HOMER1: variants seen among roughly 807,000 people sequenced by gnomAD.
HOMER1 encodes the protein homer protein homolog 1.
HOMER1 carries 3 observed loss-of-function variants against 48.9 expected under a neutral mutation model. The observed-to-expected ratio is 0.06, with a 90% CI of 0.03 to 0.16. The LOEUF (loss-of-function observed/expected upper bound fraction) is 0.16. Among genes scored for constraint, HOMER1 ranks in the 10% least tolerant of loss-of-function variants. The pLI, the probability that HOMER1 is intolerant of heterozygous loss-of-function variation, is 1.00. For missense variants in HOMER1, 247 were observed against 411.4 expected (o/e 0.60, Z 3.46); for synonymous variants, 134 against 146.4 (o/e 0.92, Z 0.61).
chr5:79,485,062 G>C (rs1752059846), intron 1 of HOMER1, among the ~76,000 whole-genome samples: 1 of 147,904 alleles, frequency 6.8e-6, no homozygotes, highest in African/African-American at 2.6e-5. Flanking sequence ...AATCTTGTTA[G>C]AACTGTGTCA....
intron 8 of HOMER1, among the ~76,000 whole-genome samples, chr5:79,389,627 G>A (rs1749197829): frequency 6.6e-6 from 1 of 152,136 alleles, no homozygotes; most frequent in Non-Finnish European, 1.5e-5. Flanking sequence ...ATTCCCTCTG[G>A]AGGATGCAGC....
intron 8 of HOMER1, among the ~76,000 whole-genome samples, chr5:79,383,617 C>A (rs370329170): frequency 2.6e-5 from 4 of 152,204 alleles, no homozygotes; most frequent in South Asian, 4.1e-4. Flanking sequence ...AACTCCTGAC[C>A]TTGTGATCTG....
intron 5 of HOMER1, among the ~76,000 whole-genome samples, chr5:79,427,665 T>TTTCCTTCCCTTCC (rs771176283): frequency 2.0e-4 from 22 of 107,694 alleles, no homozygotes; most frequent in African/African-American, 9.1e-4. Flanking sequence ...CCTTCCTTCC[T>TTTCCTTCCCTTCC]TTCCTTCCCT....
rs1313388116 is a variant in HOMER1, at chr5:79,374,309, T to C, written c.*1700A>G. 1 of 152,414 alleles carries C rather than the reference T, an allele frequency of 6.6e-6. No individual in the cohort carries two copies. Among genetic ancestry groups the C allele is most frequent in the Non-Finnish European group, 1.5e-5 (1 of 67,844 alleles). 9.4% of individuals were successfully genotyped at this position (152,414 alleles called of 1,614,324 possible). ...AACGTACATGATGTTACAGCACATA[T>C]AATACATGATTGTTATAAATTTTTC... On this transcript the variant is annotated 3_prime_UTR_variant, in exon 9 of 9. Coordinates refer to ENST00000334082, the MANE Select transcript of HOMER1 (RefSeq NM_004272.5).
At chr5:79,424,810 C>G (rs905106766) in intron 5 of HOMER1, among the ~76,000 whole-genome samples, 1 of 152,054 alleles carries the variant, frequency 6.6e-6, no homozygotes, top group Non-Finnish European at 1.5e-5. Flanking sequence ...GAAATAACAG[C>G]TATTTTGATT....
intron 3 of HOMER1, among the ~76,000 whole-genome samples, chr5:79,448,378 T>C (rs541625816): frequency 6.6e-6 from 1 of 151,554 alleles, no homozygotes; most frequent in South Asian, 2.1e-4. Flanking sequence ...CCTTCTCAAC[T>C]TCGTAAAAAT....
At chr5:79,480,060 T>G (rs1751904111) in intron 1 of HOMER1, among the ~76,000 whole-genome samples, 1 of 152,206 alleles carries the variant, frequency 6.6e-6, no homozygotes, top group Admixed American at 6.5e-5. Context: ...AAGTCTATTT[T>G]TCTCATTTCA....
chr5:79,447,122 A>G lies in HOMER1; in HGVS notation c.318T>C (p.Phe106=). Residue 106 remains phenylalanine, a synonymous_variant, in exon 4 of 9, where the codon TTT becomes TTC. Transcript: ENST00000334082. The part of the protein sequence containing the change: ...LSKFAEKFQE[F]KEAARLAKEK... ...CCTTTGCTAGTCGAGCAGCTTCTTTAAATTCCTGAAACTTTTCTGCAAACT... is the reference window on the plus strand; with the variant it reads ...CCTTTGCTAGTCGAGCAGCTTCTTTGAATTCCTGAAACTTTTCTGCAAACT... 6.2e-7 allele frequency: 1 copy of G among 1,612,732 alleles called. No homozygotes were observed. The highest frequency in any genetic ancestry group is 8.5e-7 in the Non-Finnish European group (1 of 1,179,178).
At chr5:79,431,110 C>G (rs1197997705) in intron 5 of HOMER1, among the ~76,000 whole-genome samples, 2 of 152,072 alleles carry the variant, frequency 1.3e-5, no homozygotes, top group Non-Finnish European at 2.9e-5. Context: ...GTGGGCGGAT[C>G]ACTTGAGGTC....
rs1753012060 is a variant in HOMER1, at chr5:79,513,688, TC to T, written c.-915del. 1 of 151,786 alleles carries T rather than the reference TC, an allele frequency of 6.6e-6. No homozygotes were observed. The highest frequency in any genetic ancestry group is 1.5e-5 in the Non-Finnish European group (1 of 68,092). 9.4% of individuals were successfully genotyped at this position (151,786 alleles called of 1,614,324 possible). Reference sequence around the variant, plus strand: ...CTTCAGAGCACAGCGGGTCTGAGGCTCCCGTCGGCGGAGAATGAATGAATCA... The same window carrying T: ...CTTCAGAGCACAGCGGGTCTGAGGCTCCGTCGGCGGAGAATGAATGAATCA... On this transcript the variant is annotated 5_prime_UTR_variant, in exon 1 of 9. Coordinates refer to ENST00000334082, the MANE Select transcript of HOMER1 (RefSeq NM_004272.5).
chr5:79,492,554 G>C (rs1467903384), intron 1 of HOMER1, among the ~76,000 whole-genome samples: 1 of 151,970 alleles, frequency 6.6e-6, no homozygotes, highest in Non-Finnish European at 1.5e-5. Flanking sequence ...TCACACGAGC[G>C]CAAGTGCTTC....
intron 6 of HOMER1, among the ~76,000 whole-genome samples, chr5:79,398,761 C>A (rs780888692): frequency 2.0e-5 from 3 of 152,162 alleles, no homozygotes; most frequent in Non-Finnish European, 2.9e-5. Flanking sequence ...ATCCACACTG[C>A]CCAAGATACT....
At chr5:79,379,144 AATT>A (rs1456482525) in intron 8 of HOMER1, among the ~76,000 whole-genome samples, 4 of 107,928 alleles carry the variant, frequency 3.7e-5, no homozygotes, top group East Asian at 2.3e-4. Flanking sequence ...TATATATAAA[AATT>A]ATTTATATAA....
intron 1 of HOMER1, among the ~76,000 whole-genome samples, chr5:79,507,560 T>C (rs1404195402): frequency 3.9e-5 from 6 of 152,144 alleles, no homozygotes; most frequent in East Asian, 3.9e-4. Context: ...TGTTTTATAG[T>C]CATTTAAAAA....
intron 1 of HOMER1, among the ~76,000 whole-genome samples, chr5:79,497,515 A>G (rs1399328801): frequency 6.6e-6 from 1 of 151,880 alleles, no homozygotes; most frequent in Non-Finnish European, 1.5e-5. Flanking sequence ...ATAAATAAAT[A>G]ATTAGCCAGG....
chr5:79,381,071 T>G (rs545096886), intron 8 of HOMER1, among the ~76,000 whole-genome samples: 1 of 151,888 alleles, frequency 6.6e-6, no homozygotes, highest in African/African-American at 2.4e-5. Flanking sequence ...CTGCTAACAC[T>G]GGTGCAAGCA....
chr5:79,495,335 A>C lies in HOMER1; in HGVS notation c.5+17435T>G, dbSNP rs537235373. 6.3e-4 allele frequency among the ~76,000 whole-genome samples: 96 copies of C among 152,212 alleles called. 3 individuals carry two copies. The South Asian group carries it at 0.02, about 31-fold the overall frequency. On this transcript the variant is annotated intron_variant, in intron 1 of 8. Transcript: ENST00000334082. ...ACCTCTCTACCTAAAATACCCTAAC[A>C]ACCACTCATACATCTTCCCCTCCCC...
At chr5:79,443,065 T>C (rs926658184) in intron 4 of HOMER1, among the ~76,000 whole-genome samples, 1 of 152,208 alleles carries the variant, frequency 6.6e-6, no homozygotes, top group Non-Finnish European at 1.5e-5. Flanking sequence ...CTTGAATATT[T>C]TGCAACCACC....
chr5:79,439,117 T>C lies in HOMER1; in HGVS notation c.420A>G (p.Leu140=). Residue 140 remains leucine, a synonymous_variant, in exon 5 of 9, where the codon TTA becomes TTG. Transcript: ENST00000334082. ...CTGTCCCGTTGATACTTTCCGGTGTTAAAGGAGACTGAAGATCCCCGCCTG... is the reference window on the plus strand; with the variant it reads ...CTGTCCCGTTGATACTTTCCGGTGTCAAAGGAGACTGAAGATCCCCGCCTG... ...ESAGGDLQSP[L]TPESINGTDD... 1.2e-6 allele frequency: 2 copies of C among 1,614,072 alleles called. No homozygotes were observed. Among genetic ancestry groups the C allele is most frequent in the Non-Finnish European group, 1.7e-6 (2 of 1,179,946 alleles).
Sources: gnomAD v4.1 joint callset for allele counts (sites outside exome capture counted in the v4.1 genomes callset) on GRCh38, gnomAD v4.1.1 for gene constraint, MANE v1.5 for transcripts, NCBI Gene and HGNC (gene_info 2026-07-23, HGNC 2026-07-21) for gene names.